Variants in LIMS1 observed in about 807,000 individuals in gnomAD.
LIMS1 encodes LIM zinc finger domain containing 1, also known as LIM and senescent cell antigen-like-containing domain protein 1.
LIMS1 carries 18 observed loss-of-function variants against 44.1 expected under a neutral mutation model. That is an observed-to-expected ratio of 0.41 (90% confidence interval 0.28 to 0.61). The LOEUF (loss-of-function observed/expected upper bound fraction) is 0.61. Ranked by LOEUF, LIMS1 falls within the 20% of genes least tolerant of loss-of-function variation. The pLI is 0.32. For missense variants in LIMS1, 201 were observed against 422.0 expected (o/e 0.48, Z 4.59); for synonymous variants, 93 against 149.1 (o/e 0.62, Z 2.74).
chr2:108,626,340 C>A (rs935694203), intron 1 of LIMS1, among the ~76,000 whole-genome samples: 3 of 152,142 alleles, frequency 2.0e-5, no homozygotes, highest in Non-Finnish European at 4.4e-5. Context: ...ATTTAGTCTT[C>A]CCAACAATGA....
intron 1 of LIMS1, among the ~76,000 whole-genome samples, chr2:108,649,891 A>G (rs62149926): frequency 0.087 from 13,240 of 152,236 alleles, 652 homozygotes; most frequent in South Asian, 0.2. Context: ...GGGTGCAGCA[A>G]ACCACCATGG....
intron 9 of LIMS1, among the ~76,000 whole-genome samples, chr2:108,682,845 C>A (rs887076217): frequency 1.6e-4 from 25 of 152,296 alleles, no homozygotes; most frequent in African/African-American, 6.0e-4. Context: ...ATTTATTTCA[C>A]AAATGCTACC....
intron 2 of LIMS1, 131 bp downstream of exon 2, chr2:108,659,895 T>C: frequency 1.6e-6 from 2 of 1,274,734 alleles, no homozygotes; most frequent in Admixed American, 4.2e-5. Flanking sequence ...GCATGCCAGG[T>C]ATTTGATAGC....
chr2:108,624,499 A>G (rs1573479221), intron 1 of LIMS1, among the ~76,000 whole-genome samples: 4 of 152,326 alleles, frequency 2.6e-5, no homozygotes, highest in South Asian at 2.1e-4. Context: ...GCTGACGCCT[A>G]TAATCCCAGT....
intron 1 of LIMS1, among the ~76,000 whole-genome samples, chr2:108,557,493 C>A (rs754592939): frequency 3.9e-5 from 6 of 151,990 alleles, no homozygotes; most frequent in Non-Finnish European, 5.9e-5. Flanking sequence ...TCATATTTTA[C>A]CCTCATTAAT....
chr2:108,605,524 T>G (rs371233421), intron 1 of LIMS1, among the ~76,000 whole-genome samples: 10 of 152,186 alleles, frequency 6.6e-5, no homozygotes, highest in Admixed American at 4.6e-4. Context: ...TTACTGAAAT[T>G]TATTCCTTTC....
intron 1 of LIMS1, among the ~76,000 whole-genome samples, chr2:108,539,064 C>T (rs572241981): frequency 3.3e-5 from 5 of 152,296 alleles, no homozygotes; most frequent in African/African-American, 1.2e-4. Context: ...ACACTTTGAA[C>T]ATCTCTGCCA....
rs1331667698 is a variant in LIMS1, at chr2:108,623,010, AAG to A, written c.33-36592_33-36591del. Among the ~76,000 whole-genome samples the A allele has an allele frequency of 1.1e-4, 16 of 151,516 alleles. No homozygotes were observed. The East Asian group carries it at 3.1e-3, about 29-fold the overall frequency. On this transcript the variant is annotated intron_variant, in intron 1 of 9. Coordinates refer to ENST00000544547, the Ensembl canonical transcript of LIMS1. ...TTTTTTTTGCTTAGAATTTAATTAAAAGAGGAAGAATAATTCTTAAGTATTGC... is the reference window on the plus strand; with the variant it reads ...TTTTTTTTGCTTAGAATTTAATTAAAAGGAAGAATAATTCTTAAGTATTGC...
At chr2:108,599,863 C>A in intron 1 of LIMS1, among the ~76,000 whole-genome samples, 2 of 151,708 alleles carry the variant, frequency 1.3e-5, no homozygotes. Flanking sequence ...TGCCCATTTT[C>A]TGATCAGATT....
At chr2:108,672,028 G>A (rs56140851) in intron 3 of LIMS1, among the ~76,000 whole-genome samples, 6,092 of 152,128 alleles carry the variant, frequency 0.04, 177 homozygotes, top group Middle Eastern at 0.078. Flanking sequence ...ATAGCCGGGC[G>A]TGGTGGCAGG....
chr2:108,608,822 G>A (rs910973845), intron 1 of LIMS1, among the ~76,000 whole-genome samples: 1 of 152,078 alleles, frequency 6.6e-6, no homozygotes, highest in Non-Finnish European at 1.5e-5. Flanking sequence ...TTCTACTTCC[G>A]AGAAATAGGG....
chr2:108,683,925 A>C, exon 10 of LIMS1: 1 of 1,604,220 alleles, frequency 6.2e-7, no homozygotes, highest in African/African-American at 1.3e-5. Context: ...AGTCTGTAAG[A>C]AGTGCTATGA....
At chr2:108,666,799 AT>A (rs1691790347) in intron 2 of LIMS1, among the ~76,000 whole-genome samples, 2 of 152,010 alleles carry the variant, frequency 1.3e-5, no homozygotes, top group Non-Finnish European at 1.5e-5. Context: ...GAAAAAAAAA[AT>A]AATAATAATA....
At chr2:108,684,947 A>C (rs115925898) in exon 10 of LIMS1, 1 of 152,134 alleles carries the variant, frequency 6.6e-6, no homozygotes, top group Non-Finnish European at 1.5e-5. Flanking sequence ...AAAAACATAC[A>C]TACTACATAC....
chr2:108,552,765 A>T (rs1048246457), intron 1 of LIMS1, among the ~76,000 whole-genome samples: 1 of 151,912 alleles, frequency 6.6e-6, no homozygotes, highest in African/African-American at 2.4e-5. Flanking sequence ...TTTTGTAGAG[A>T]TAAGGTTGCA....
At chr2:108,675,076 T>C (rs902496289) in intron 5 of LIMS1, among the ~76,000 whole-genome samples, 11 of 152,128 alleles carry the variant, frequency 7.2e-5, no homozygotes, top group Non-Finnish European at 1.6e-4. Flanking sequence ...CAACAGCTTG[T>C]GACAATTTAA....
intron 1 of LIMS1, among the ~76,000 whole-genome samples, chr2:108,638,467 G>A (rs917465683): frequency 3.3e-5 from 5 of 152,204 alleles, no homozygotes; most frequent in Admixed American, 6.5e-5. Context: ...ACAGAGGCTG[G>A]GCGTGGTGGT....
intron 1 of LIMS1, among the ~76,000 whole-genome samples, chr2:108,566,439 T>C (rs1387051680): frequency 6.6e-6 from 1 of 152,198 alleles, no homozygotes; most frequent in African/African-American, 2.4e-5. Flanking sequence ...TTTATATAGA[T>C]GAGGAAACTG....
intron 1 of LIMS1, among the ~76,000 whole-genome samples, chr2:108,576,658 C>T (rs1378226622): frequency 6.6e-6 from 1 of 152,182 alleles, no homozygotes; most frequent in Non-Finnish European, 1.5e-5. Flanking sequence ...CTTGGCCTCC[C>T]AGACTGCTGG....
Sources: allele counts gnomAD v4.1 joint callset (sites outside exome capture counted in the v4.1 genomes callset), GRCh38; gene constraint gnomAD v4.1.1; transcripts MANE v1.5; gene names NCBI Gene and HGNC (gene_info 2026-07-23, HGNC 2026-07-21).